The following CADM2 variants were observed in gnomAD, a reference collection of about 807,000 sequenced individuals.
CADM2 encodes immunoglobulin superfamily member 4D.
Under a neutral mutation model 49.8 loss-of-function variants are expected in CADM2, and 12 were observed. That is an observed-to-expected ratio of 0.24 (90% CI 0.15 to 0.39). The LOEUF (loss-of-function observed/expected upper bound fraction) is 0.39, where lower values mean the gene tolerates loss of function less well. CADM2 is among the 10% of genes least tolerant of loss of function. The pLI, the probability that CADM2 is intolerant of heterozygous loss-of-function variation, is 1.00. For missense variants in CADM2, 378 were observed against 492.3 expected, an observed-to-expected ratio of 0.77 and a Z score of 2.20; for synonymous variants, 214 against 175.4, an observed-to-expected ratio of 1.22 and a Z score of -1.74.
intron 1 of CADM2, among the ~76,000 whole-genome samples, chr3:85,144,671 A>G (rs1359428519): frequency 2.0e-5 from 3 of 151,968 alleles, no homozygotes; most frequent in Non-Finnish European, 4.4e-5. Context: ...TACTCAATGC[A>G]TGGAATAAGA....
At chr3:85,166,998 G>C (rs1416753957) in intron 1 of CADM2, among the ~76,000 whole-genome samples, 1 of 152,028 alleles carries the variant, frequency 6.6e-6, no homozygotes, top group African/African-American at 2.4e-5. Flanking sequence ...TTTTACTGCT[G>C]TTAAGGCATA....
At chr3:85,687,164 C>T (rs556416482) in intron 1 of CADM2, among the ~76,000 whole-genome samples, 12 of 152,158 alleles carry the variant, frequency 7.9e-5, no homozygotes, top group Non-Finnish European at 1.3e-4. Flanking sequence ...TTAAATAGGT[C>T]GTATGTCACA....
intron 1 of CADM2, among the ~76,000 whole-genome samples, chr3:85,581,712 C>A (rs966875025): frequency 3.3e-5 from 5 of 151,910 alleles, no homozygotes; most frequent in African/African-American, 1.2e-4. Flanking sequence ...GCTATCATTT[C>A]TTTGCCTTCC....
intron 1 of CADM2, among the ~76,000 whole-genome samples, chr3:85,267,364 A>T (rs1199818418): frequency 1.3e-5 from 2 of 151,370 alleles, no homozygotes; most frequent in African/African-American, 4.8e-5. Context: ...TTGCTCATTT[A>T]AAAAAAATAT....
At chr3:85,276,151 T>C (rs2043352171) in intron 1 of CADM2, among the ~76,000 whole-genome samples, 1 of 151,194 alleles carries the variant, frequency 6.6e-6, no homozygotes, top group Admixed American at 6.6e-5. Flanking sequence ...TCTTACAAAG[T>C]TAAAACAAAA....
At chr3:85,552,934 C>T (rs2061850585) in intron 1 of CADM2, among the ~76,000 whole-genome samples, 1 of 151,690 alleles carries the variant, frequency 6.6e-6, no homozygotes, top group Non-Finnish European at 1.5e-5. Flanking sequence ...GCCTCGGCCT[C>T]CCAAAGTCCT....
chr3:85,306,218 C>T (rs1384081747), intron 1 of CADM2, among the ~76,000 whole-genome samples: 1 of 151,496 alleles, frequency 6.6e-6, no homozygotes, highest in Non-Finnish European at 1.5e-5. Flanking sequence ...TAAATTTCAA[C>T]AAAAAAATCT....
intron 6 of CADM2, among the ~76,000 whole-genome samples, chr3:85,922,412 C>CT (rs780563913): frequency 1.7e-4 from 25 of 151,144 alleles, no homozygotes; most frequent in East Asian, 5.9e-4. Flanking sequence ...TACTCTAAGT[C>CT]TTTTTTTTAA....
At chr3:85,863,725 C>G (rs973806800) in intron 3 of CADM2, among the ~76,000 whole-genome samples, 4 of 152,130 alleles carry the variant, frequency 2.6e-5, no homozygotes, top group Non-Finnish European at 5.9e-5. Context: ...ATGATTGAAA[C>G]AGAAAGTGAT....
At chr3:85,990,013 C>CAAAAAAAAAAAAAAAAAAAA (rs58178176) in intron 8 of CADM2, among the ~76,000 whole-genome samples, 5 of 9,638 alleles carry the variant, frequency 5.2e-4, no homozygotes, top group South Asian at 6.9e-3. Flanking sequence ...ACTCCATGTC[C>CAAAAAAAAAAAAAAAAAAAA]AAAAAAAAAA....
chr3:85,990,515 C>G (rs1411789143), intron 8 of CADM2, among the ~76,000 whole-genome samples: 2 of 152,140 alleles, frequency 1.3e-5, no homozygotes, highest in Non-Finnish European at 2.9e-5. Flanking sequence ...TGGGAAAAGA[C>G]AGACTCTAGA....
chr3:85,773,734 T>C (rs1020426910), intron 2 of CADM2, among the ~76,000 whole-genome samples: 1 of 152,000 alleles, frequency 6.6e-6, no homozygotes, highest in Non-Finnish European at 1.5e-5. Flanking sequence ...TTTCTCATAC[T>C]TTAAGTTCCG....
intron 1 of CADM2, among the ~76,000 whole-genome samples, chr3:85,425,504 G>A (rs1576530509): frequency 6.6e-6 from 1 of 152,106 alleles, no homozygotes; most frequent in African/African-American, 2.4e-5. Context: ...GTGTGTGTTT[G>A]GAACATTAGA....
chr3:85,234,653 G>A (rs1397080348), intron 1 of CADM2, among the ~76,000 whole-genome samples: 4 of 152,094 alleles, frequency 2.6e-5, no homozygotes, highest in Non-Finnish European at 5.9e-5. Context: ...GCGAAAAATA[G>A]ACACGTGGTA....
chr3:86,021,199 C>T (rs1004485484), intron 8 of CADM2, among the ~76,000 whole-genome samples: 2 of 152,044 alleles, frequency 1.3e-5, no homozygotes, highest in Non-Finnish European at 2.9e-5. Flanking sequence ...GAGGTTTTGC[C>T]ATGTTGGCCA....
chr3:85,005,267 C>T (rs908744545), intron 1 of CADM2, among the ~76,000 whole-genome samples: 1 of 152,062 alleles, frequency 6.6e-6, no homozygotes, highest in Admixed American at 6.6e-5. Context: ...AGGAAAACAG[C>T]CACAAATAAT....
chr3:85,022,851 C>T (rs1266283446), intron 1 of CADM2, among the ~76,000 whole-genome samples: 1 of 152,056 alleles, frequency 6.6e-6, no homozygotes, highest in Non-Finnish European at 1.5e-5. Flanking sequence ...ATCGTACATT[C>T]AGTGTATCCA....
rs550659928 is a variant in CADM2 at position 85,550,681 on chromosome 3, A to G, written c.62-175841A>G. ...GCAACTAATTGTGTTCCTGCGTCCA[A>G]AAACCCTATTCTCACCAAAATGTTT... On this transcript the variant is annotated intron_variant, in intron 1 of 9. Coordinates refer to ENST00000383699, the MANE Select transcript of CADM2 (RefSeq NM_001167675.2). Among the ~76,000 whole-genome samples the G allele has an allele frequency of 2.0e-5, 3 of 152,290 alleles. No individual in the cohort carries two copies. The East Asian group carries it at 5.8e-4, about 29-fold the overall frequency.
Position 85,826,478 on chromosome 3 carries a change from CT to C in CADM2, c.238+24289del, listed in dbSNP as rs531182163. On this transcript the variant is annotated intron_variant, in intron 3 of 9. Transcript: ENST00000383699. ...TTTTTCTTAAAATGAATTTTTATCA[CT>C]TTTTTTATGGTTAGCATAGATGCAA... 1.6e-4 allele frequency among the ~76,000 whole-genome samples: 24 copies of C among 151,962 alleles called. 1 individual carries two copies. Among genetic ancestry groups the C allele is most frequent in the South Asian group, 4.1e-4 (2 of 4,820 alleles).
Sources: gnomAD v4.1 joint callset for allele counts (sites outside exome capture counted in the v4.1 genomes callset) on GRCh38, gnomAD v4.1.1 for gene constraint, MANE v1.5 for transcripts, NCBI Gene and HGNC (gene_info 2026-07-23, HGNC 2026-07-21) for gene names.